Variants in SPATA17 observed in about 807,000 individuals in gnomAD.
SPATA17 encodes spermatogenesis associated 17, also known as spermatogenesis-associated protein 17.
A neutral mutation model predicts 62.2 loss-of-function variants in SPATA17; 53 were observed. The observed-to-expected ratio is 0.85, with a 90% CI of 0.68 to 1.07. The LOEUF (loss-of-function observed/expected upper bound fraction) is 1.07, where lower values mean the gene tolerates loss of function less well. Among genes scored for constraint, SPATA17 ranks in the 50% least tolerant of loss-of-function variants. SPATA17 has a pLI of 0.00. For synonymous variants in SPATA17, 146 were observed against 146.8 expected (o/e 0.99, Z 0.04); for missense variants, 466 against 425.5 (o/e 1.10, Z -0.84).
At chr1:217,776,252 C>T (rs1458276243) in intron 7 of SPATA17, among the ~76,000 whole-genome samples, 3 of 152,048 alleles carry the variant, frequency 2.0e-5, no homozygotes, top group African/African-American at 7.2e-5. Flanking sequence ...TCCTAAAAGT[C>T]CCGGAGAGCC....
intron 9 of SPATA17, among the ~76,000 whole-genome samples, chr1:217,813,029 A>C (rs1674631611): frequency 6.6e-6 from 1 of 152,200 alleles, no homozygotes; most frequent in Non-Finnish European, 1.5e-5. Flanking sequence ...TTGGTCCTAA[A>C]CAGGATTTTA....
At chr1:217,834,193 G>C (rs1675208417) in intron 9 of SPATA17, among the ~76,000 whole-genome samples, 1 of 152,064 alleles carries the variant, frequency 6.6e-6, no homozygotes, top group Non-Finnish European at 1.5e-5. Flanking sequence ...TGCTTTACCA[G>C]CCATATAAAA....
intron 10 of SPATA17, among the ~76,000 whole-genome samples, chr1:217,865,743 A>G (rs953956611): frequency 6.6e-6 from 1 of 152,156 alleles, no homozygotes; most frequent in African/African-American, 2.4e-5. Flanking sequence ...TGAATTGTAT[A>G]ATGTACCCGA....
chr1:217,793,215 G>GTTT (rs376041446), intron 8 of SPATA17, among the ~76,000 whole-genome samples: 3,067 of 114,310 alleles, frequency 0.027, 276 homozygotes, highest in East Asian at 0.054. Flanking sequence ...TAGGGCAGTG[G>GTTT]TTTTTGTTTT....
chr1:217,667,184 A>G lies in SPATA17; in HGVS notation c.241-1849A>G, dbSNP rs376797153. Among the ~76,000 whole-genome samples the G allele has an allele frequency of 9.5e-4, 144 of 150,842 alleles. 3 individuals carry two copies. In the East Asian group the frequency reaches 0.022, roughly 23 times the overall value. ...TGCCTCAGCCTCCTGAGTAGCTGGGATTACAGTCGCCTGCCACTACGCCCA... is the reference window on the plus strand; with the variant it reads ...TGCCTCAGCCTCCTGAGTAGCTGGGGTTACAGTCGCCTGCCACTACGCCCA... On this transcript the variant is annotated intron_variant, in intron 3 of 10. Transcript: ENST00000366933.
At chr1:217,645,459 T>TA (rs1670158079) in intron 1 of SPATA17, among the ~76,000 whole-genome samples, 1 of 152,158 alleles carries the variant, frequency 6.6e-6, no homozygotes, top group Non-Finnish European at 1.5e-5. Flanking sequence ...TCCATTTTTA[T>TA]AAAGGTAGCC....
chr1:217,801,998 C>A, intron 9 of SPATA17, 148 bp downstream of exon 9: 1 of 844,168 alleles, frequency 1.2e-6, no homozygotes, highest in Non-Finnish European at 1.7e-6. Flanking sequence ...GATGGTGCTG[C>A]TGACCTATGT....
chr1:217,678,923 T>C (rs1671014461), intron 4 of SPATA17, among the ~76,000 whole-genome samples: 2 of 152,092 alleles, frequency 1.3e-5, no homozygotes, highest in South Asian at 4.1e-4. Flanking sequence ...TTTTTCTTTT[T>C]TTTTTGAAGT....
At chr1:217,646,771 T>C (rs1305841032) in intron 1 of SPATA17, among the ~76,000 whole-genome samples, 1 of 152,164 alleles carries the variant, frequency 6.6e-6, no homozygotes, top group Non-Finnish European at 1.5e-5. Context: ...GGCGTGCACC[T>C]GTAGTTCCAG....
chr1:217,858,778 C>T (rs1675834733), intron 9 of SPATA17, among the ~76,000 whole-genome samples: 1 of 152,032 alleles, frequency 6.6e-6, no homozygotes, highest in African/African-American at 2.4e-5. Flanking sequence ...GCCTGTAATC[C>T]CAGCACTTTG....
chr1:217,737,598 T>C (rs941140585), intron 5 of SPATA17, among the ~76,000 whole-genome samples: 3 of 152,220 alleles, frequency 2.0e-5, no homozygotes, highest in South Asian at 2.1e-4. Flanking sequence ...CCGTCATTGA[T>C]TGAATCCAGG....
intron 5 of SPATA17, among the ~76,000 whole-genome samples, chr1:217,721,344 C>A (rs946456015): frequency 6.6e-6 from 1 of 152,026 alleles, no homozygotes; most frequent in South Asian, 2.1e-4. Context: ...AAAAGGGAAC[C>A]CTGACTTATA....
At position 217,869,112 on chromosome 1, in the gene SPATA17, T is replaced by C. The variant is rs1002558393; in HGVS notation, c.*2093T>C. ...GGTCAAGCTATACAACTTGGTTTTA[T>C]ACATTTTAAGGAGACATAAGACATC... On this transcript the variant is annotated 3_prime_UTR_variant, in exon 11 of 11. Coordinates refer to ENST00000366933, the MANE Select transcript of SPATA17 (RefSeq NM_138796.4). 4 of 152,274 alleles carry C rather than the reference T, an allele frequency of 2.6e-5. No individual in the cohort carries two copies. The highest frequency in any genetic ancestry group is 9.7e-5 in the African/African-American group (4 of 41,438). The allele number at this position is 152,274 out of a possible 1,614,324, so 9.4% of individuals were successfully genotyped here.
intron 3 of SPATA17, among the ~76,000 whole-genome samples, chr1:217,660,098 T>TG (rs1670533876): frequency 1.3e-5 from 2 of 152,334 alleles, no homozygotes; most frequent in South Asian, 4.1e-4. Context: ...TTTTGGCAAA[T>TG]GCTGTTCCCT....
chr1:217,671,561 T>A (rs1472743041), intron 4 of SPATA17, among the ~76,000 whole-genome samples: 1 of 152,168 alleles, frequency 6.6e-6, no homozygotes, highest in African/African-American at 2.4e-5. Flanking sequence ...CTCTCCCTTA[T>A]AATTCTGGAT....
intron 6 of SPATA17, among the ~76,000 whole-genome samples, chr1:217,756,133 T>G (rs1181857292): frequency 6.6e-6 from 1 of 152,156 alleles, no homozygotes; most frequent in Non-Finnish European, 1.5e-5. Flanking sequence ...AATGAATGTT[T>G]TATGTACATG....
At chr1:217,740,033 T>A (rs1672592019) in intron 5 of SPATA17, among the ~76,000 whole-genome samples, 2 of 151,986 alleles carry the variant, frequency 1.3e-5, no homozygotes, top group Admixed American at 1.3e-4. Flanking sequence ...GTTTTTATTT[T>A]ACATTTCCAT....
At chr1:217,716,313 A>G (rs1248206434) in intron 5 of SPATA17, among the ~76,000 whole-genome samples, 1 of 152,206 alleles carries the variant, frequency 6.6e-6, no homozygotes, top group Non-Finnish European at 1.5e-5. Flanking sequence ...ATGTCCTTTC[A>G]GACTGCTAAC....
intron 9 of SPATA17, chr1:217,850,268 A>G (rs1401056573): frequency 8.6e-6 from 3 of 349,050 alleles, no homozygotes; most frequent in Non-Finnish European, 1.7e-5. Flanking sequence ...CTACCATGCA[A>G]CAAAACCTTT....
Sources: allele counts gnomAD v4.1 joint callset (sites outside exome capture counted in the v4.1 genomes callset), GRCh38; gene constraint gnomAD v4.1.1; transcripts MANE v1.5; gene names NCBI Gene and HGNC (gene_info 2026-07-23, HGNC 2026-07-21).